NEURL1: variants seen among roughly 807,000 people sequenced by gnomAD.
The protein encoded by NEURL1 is neuralized E3 ubiquitin protein ligase 1.
Under a neutral mutation model 41.2 loss-of-function variants are expected in NEURL1, and 26 were observed. That is an observed-to-expected ratio of 0.63 (90% CI 0.46 to 0.87). The LOEUF is 0.87. Among genes scored for constraint, NEURL1 ranks in the 40% least tolerant of loss-of-function variants. NEURL1 has a pLI of 0.00. For missense variants in NEURL1, 761 were observed against 871.1 expected, an observed-to-expected ratio of 0.87 and a Z score of 1.59; for synonymous variants, 400 against 402.3, an observed-to-expected ratio of 0.99 and a Z score of 0.07.
At chr10:103,519,773 G>T (rs55886045) in intron 1 of NEURL1, among the ~76,000 whole-genome samples, 72,173 of 150,334 alleles carry the variant, frequency 0.48, 17,812 homozygotes, top group African/African-American at 0.58. Flanking sequence ...ATAGTTTTTT[G>T]TTGTTGTTGT....
At chr10:103,546,817 G>C (rs1003942040) in intron 1 of NEURL1, among the ~76,000 whole-genome samples, 7 of 152,222 alleles carry the variant, frequency 4.6e-5, no homozygotes, top group Non-Finnish European at 1.0e-4. Flanking sequence ...GGTCAGAGGT[G>C]GGGGGAGACC....
intron 1 of NEURL1, among the ~76,000 whole-genome samples, chr10:103,525,289 T>G (rs2034436247): frequency 6.6e-6 from 1 of 151,976 alleles, no homozygotes; most frequent in South Asian, 2.1e-4. Context: ...TCTGAAATTT[T>G]ACTGAATTCA....
chr10:103,511,510 TG>T (rs1274282474), intron 1 of NEURL1, among the ~76,000 whole-genome samples: 4 of 152,266 alleles, frequency 2.6e-5, no homozygotes, highest in Non-Finnish European at 1.5e-5. Flanking sequence ...ACTCTGGAAT[TG>T]GACTTTGTCT....
intron 1 of NEURL1, among the ~76,000 whole-genome samples, chr10:103,565,562 T>A (rs2035405065): frequency 3.3e-5 from 5 of 152,230 alleles, no homozygotes; most frequent in Admixed American, 3.3e-4. Flanking sequence ...CAGGGTGAGC[T>A]GATGGGGGTG....
chr10:103,555,512 C>T (rs955086156), intron 1 of NEURL1: 4 of 1,061,132 alleles, frequency 3.8e-6, no homozygotes, highest in African/African-American at 1.7e-5. Flanking sequence ...TTGGTCATGC[C>T]CCTACTTCTC....
At chr10:103,543,014 T>C (rs1309647117) in intron 1 of NEURL1, among the ~76,000 whole-genome samples, 2 of 152,088 alleles carry the variant, frequency 1.3e-5, no homozygotes, top group Admixed American at 6.6e-5. Flanking sequence ...GCAATTGCAG[T>C]GGGCTTTTTT....
At chr10:103,527,851 G>T (rs1487921666) in intron 1 of NEURL1, among the ~76,000 whole-genome samples, 1 of 152,164 alleles carries the variant, frequency 6.6e-6, no homozygotes, top group Non-Finnish European at 1.5e-5. Flanking sequence ...ACTTCTGCTG[G>T]CTGAATAGGG....
chr10:103,516,344 G>A (rs768471784), intron 1 of NEURL1, among the ~76,000 whole-genome samples: 1 of 151,474 alleles, frequency 6.6e-6, no homozygotes, highest in Non-Finnish European at 1.5e-5. Flanking sequence ...CTGGTGCCAG[G>A]TTTTCAGGTG....
At chr10:103,522,666 T>A (rs1479566550) in intron 1 of NEURL1, among the ~76,000 whole-genome samples, 11 of 151,836 alleles carry the variant, frequency 7.2e-5, no homozygotes. Context: ...ACCTTATTGG[T>A]TTGTTAGGTA....
In NEURL1 at chr10:103,571,660, A is replaced by G. The variant is rs984551446; in HGVS notation, c.487A>G (p.Asn163Asp). 15 of 1,614,052 alleles carry G rather than the reference A, an allele frequency of 9.3e-6. No individual in the cohort carries two copies. Among genetic ancestry groups the G allele is most frequent in the Non-Finnish European group, 8.5e-6 (10 of 1,180,020 alleles). ...CAAGGCGCTGCCTGAGGAGTTTGCC[A>G]ATGAGGGCAACATCATCGCATTCTG... ...WAKALPEEFA[N>D]EGNIIAFWVD... Residue 163 changes from asparagine (N) to aspartate (D), a missense_variant, in exon 3 of 6, where the codon AAT (asparagine) becomes GAT (aspartate). Around this residue, in one of 5 missense-constraint regions of NEURL1, gnomAD observed 65 missense variants for 131.6 expected, o/e 0.49. Transcript: ENST00000369780.
At chr10:103,580,515 C>T (rs1013509026) in intron 3 of NEURL1, among the ~76,000 whole-genome samples, 1 of 152,166 alleles carries the variant, frequency 6.6e-6, no homozygotes, top group Non-Finnish European at 1.5e-5. Flanking sequence ...CCAAACACTG[C>T]CCTGACCTCT....
chr10:103,504,025 ACT>A (rs952474129), intron 1 of NEURL1, among the ~76,000 whole-genome samples: 1 of 145,144 alleles, frequency 6.9e-6, no homozygotes, highest in South Asian at 2.2e-4. Context: ...ACAGAATTTC[ACT>A]CTGTCGCCCA....
chr10:103,525,852 T>TCC (rs1491468401), intron 1 of NEURL1, among the ~76,000 whole-genome samples: 1 of 152,180 alleles, frequency 6.6e-6, no homozygotes, highest in African/African-American at 2.4e-5. Flanking sequence ...TTTCAACTTA[T>TCC]CCCCTTTCAG....
intron 1 of NEURL1, among the ~76,000 whole-genome samples, chr10:103,560,272 G>A (rs2035265122): frequency 6.6e-6 from 1 of 152,248 alleles, no homozygotes; most frequent in Non-Finnish European, 1.5e-5. Flanking sequence ...GGGCTGGAAG[G>A]ACTGGGGCAG....
intron 1 of NEURL1, among the ~76,000 whole-genome samples, chr10:103,526,055 C>T (rs79359776): frequency 0.013 from 1,968 of 152,120 alleles, 36 homozygotes; most frequent in African/African-American, 0.044. Context: ...TGTTTATTGA[C>T]TTGTGTATGT....
intron 3 of NEURL1, among the ~76,000 whole-genome samples, chr10:103,584,073 T>G (rs1316752195): frequency 1.3e-5 from 2 of 152,084 alleles, no homozygotes; most frequent in East Asian, 3.9e-4. Flanking sequence ...GTGTGTTTGC[T>G]GGGGGGTGGT....
intron 1 of NEURL1, among the ~76,000 whole-genome samples, chr10:103,535,746 C>T (rs992664432): frequency 1.3e-5 from 2 of 152,158 alleles, no homozygotes. Context: ...AGTGGCTCTA[C>T]CTCTGCTGGG....
At chr10:103,534,178 G>A (rs972689499) in intron 1 of NEURL1, among the ~76,000 whole-genome samples, 3 of 82,950 alleles carry the variant, frequency 3.6e-5, no homozygotes, top group African/African-American at 1.1e-4. Context: ...TTGTCTATCT[G>A]TATTTTTTTT....
intron 1 of NEURL1, among the ~76,000 whole-genome samples, chr10:103,504,916 G>T (rs1385754301): frequency 2.6e-5 from 4 of 152,180 alleles, no homozygotes; most frequent in Non-Finnish European, 5.9e-5. Context: ...GTTGGCCTCA[G>T]TTCCTAGATG....
Sources: allele counts gnomAD v4.1 joint callset (sites outside exome capture counted in the v4.1 genomes callset), GRCh38; gene constraint gnomAD v4.1.1; regional missense constraint gnomAD v4.1.1; transcripts MANE v1.5; gene names NCBI Gene and HGNC (gene_info 2026-07-23, HGNC 2026-07-21).